TRIM17: variants seen among roughly 807,000 people sequenced by gnomAD.
The protein encoded by TRIM17 is E3 ubiquitin-protein ligase TRIM17.
In TRIM17, 27 loss-of-function variants were observed where a neutral mutation model predicts 35.8. The observed-to-expected ratio is 0.75, with a 90% CI of 0.56 to 1.04. The LOEUF (loss-of-function observed/expected upper bound fraction) is 1.04, where lower values mean the gene tolerates loss of function less well. TRIM17 is among the 50% of genes least tolerant of loss of function. The probability of loss-of-function intolerance (pLI) is 0.00; values close to 1 mark genes in which losing one functional copy is unlikely to be tolerated. For synonymous variants in TRIM17, 246 were observed against 252.6 expected, an observed-to-expected ratio of 0.97 and a Z score of 0.25; for missense variants, 582 against 612.8, an observed-to-expected ratio of 0.95 and a Z score of 0.53.
chr1:228,410,791 C>T lies in TRIM17; in HGVS notation c.756+155G>A, dbSNP rs1209728708. Among the ~76,000 whole-genome samples, 1 of 152,144 alleles carries T rather than the reference C, an allele frequency of 6.6e-6. No individual in the cohort carries two copies. Among genetic ancestry groups the T allele is most frequent in the Non-Finnish European group, 1.5e-5 (1 of 68,014 alleles). On this transcript the variant is annotated intron_variant, in intron 4 of 6. Transcript: ENST00000366698. The surrounding 1 kb of genome is among the most constrained non-coding windows in gnomAD (Gnocchi z 4.6). ...AGAGGCTCAGGAGGAACCAGGCCTG[C>T]CCGCACCTTGGCCTCAGCCACCCAG...
chr1:228,413,018 C>G (rs1489645020), intron 3 of TRIM17, among the ~76,000 whole-genome samples: 1 of 152,066 alleles, frequency 6.6e-6, no homozygotes, highest in African/African-American at 2.4e-5. Context: ...CAAGACCAGC[C>G]TGACCAACAT....
chr1:228,408,179 GC>G lies in TRIM17; in HGVS notation c.*21del, dbSNP rs747266754. The G allele has an allele frequency of 3.3e-5, 50 of 1,511,602 alleles. No individual in the cohort carries two copies. In the South Asian group the frequency reaches 6.3e-4, roughly 19 times the overall value. 93.6% of individuals were successfully genotyped at this position (1,511,602 alleles called of 1,614,324 possible). On this transcript the variant is annotated 3_prime_UTR_variant, in exon 7 of 7. Coordinates refer to ENST00000366698, the MANE Select transcript of TRIM17 (RefSeq NM_016102.4). The surrounding 1 kb of genome is among the most constrained non-coding windows in gnomAD (Gnocchi z 6.3). ...CACCTTCTGCAGAGCCAGGAGCAGT[GC>G]CCGAGTCCCCCGGTCTGTGTCTATC...
In TRIM17 at chr1:228,416,644, C is replaced by A; in HGVS notation, c.-147G>T. On this transcript the variant is annotated 5_prime_UTR_variant, in exon 1 of 7. Transcript: ENST00000366698. ...GAAGCCCAGGAGGCTGCGGCCCGGC[C>A]CGGGGCGTGGGGACCTGGGGTCGGG... The A allele has an allele frequency of 2.0e-6, 2 of 982,550 alleles. No homozygotes were observed. Among genetic ancestry groups the A allele is most frequent in the Middle Eastern group, 1.0e-3 (2 of 1,908 alleles). The allele number at this position is 982,550 out of a possible 1,614,324, so 60.9% of individuals were successfully genotyped here. A position where few individuals can be genotyped will look rare whatever the true frequency, so the allele number is the denominator to read the frequency against.
rs2149103897 is a variant in TRIM17, at chr1:228,410,225, C to A, written c.756+721G>T. Among the ~76,000 whole-genome samples, 2 of 152,030 alleles carry A rather than the reference C, an allele frequency of 1.3e-5. No individual in the cohort carries two copies. Among genetic ancestry groups the A allele is most frequent in the East Asian group, 1.9e-4 (1 of 5,146 alleles). ...GTCTTCCTGCCTCAGCCTCCTGAGT[C>A]CTGGGACCACAGGCGCACGCCACCA... is the stretch of plus-strand genomic sequence containing the variant. On this transcript the variant is annotated intron_variant, in intron 4 of 6. Coordinates refer to ENST00000366698, the MANE Select transcript of TRIM17 (RefSeq NM_016102.4). The surrounding 1 kb of genome is among the most constrained non-coding windows in gnomAD (Gnocchi z 4.6).
chr1:228,416,449 G>T (rs560366660), intron 1 of TRIM17, 90 bp downstream of exon 1: 70 of 986,848 alleles, frequency 7.1e-5, no homozygotes, highest in Non-Finnish European at 7.8e-5. Flanking sequence ...AAGGCCGGGC[G>T]TTGGAGGGCG....
intron 2 of TRIM17, among the ~76,000 whole-genome samples, 172 bp from the exon 3 acceptor site, chr1:228,414,064 G>T (rs938494602): frequency 1.3e-5 from 2 of 152,154 alleles, no homozygotes; most frequent in Admixed American, 1.3e-4. Flanking sequence ...TGAGCTGAAG[G>T]CACTTAAAAA....
Position 228,416,722 on chromosome 1 carries a change from G to GGGGGGGGC in TRIM17, c.-226_-225insGCCCCCCC. 1 of 568,108 alleles carries GGGGGGGGC rather than the reference G, an allele frequency of 1.8e-6. No homozygotes were observed. Among genetic ancestry groups the GGGGGGGGC allele is most frequent in the Non-Finnish European group, 2.2e-6 (1 of 453,594 alleles). 35.2% of individuals were successfully genotyped at this position (568,108 alleles called of 1,614,324 possible). On this transcript the variant is annotated 5_prime_UTR_variant, in exon 1 of 7. Coordinates refer to ENST00000366698, the MANE Select transcript of TRIM17 (RefSeq NM_016102.4). ...GGGGCTGGGGGGCGGCGGGGGAGGGGAATGCTGGGCGAGGGAGTGTTCGGC... is the reference window on the plus strand; with the variant it reads ...GGGGCTGGGGGGCGGCGGGGGAGGGGGGGGGGGCAATGCTGGGCGAGGGAGTGTTCGGC...
chr1:228,409,616 A>C, intron 4 of TRIM17: 1 of 521,446 alleles, frequency 1.9e-6, no homozygotes, highest in Non-Finnish European at 3.4e-6. Context: ...TGCCTCACCT[A>C]AGCTGAGCTA....
intron 1 of TRIM17, 43 bp from the exon 2 acceptor site, chr1:228,415,156 G>T: frequency 1.4e-6 from 2 of 1,470,144 alleles, no homozygotes; most frequent in Non-Finnish European, 1.8e-6. Flanking sequence ...CTGGGCGCCG[G>T]CAGTGTGCAA....
chr1:228,408,551 C>A lies in TRIM17; in HGVS notation c.1084G>T (p.Asp362Tyr), dbSNP rs1466970779. ...CACACACCCAGGGCCCACAACGCGT[C>A]CCCGGTGATGTTCATGCCCACCTCC... ...YWEVGMNITG[D>Y]ALWALGVCRD... The change falls in exon 7 of 7, where the codon GAC (aspartate) becomes TAC (tyrosine). Residue 362 changes from aspartate (D) to tyrosine (Y), a missense_variant. Physicochemically the swap from Asp to Tyr is radical, Grantham distance 160. Coordinates refer to ENST00000366698, the MANE Select transcript of TRIM17 (RefSeq NM_016102.4). The surrounding 1 kb of genome is among the most constrained non-coding windows in gnomAD (Gnocchi z 6.3). The A allele has an allele frequency of 1.2e-6, 2 of 1,614,114 alleles. No homozygotes were observed. Among genetic ancestry groups the A allele is most frequent in the Non-Finnish European group, 1.7e-6 (2 of 1,180,014 alleles).
At chr1:228,409,010 C>G in intron 6 of TRIM17, 162 bp downstream of exon 6, 2 of 1,573,470 alleles carry the variant, frequency 1.3e-6, no homozygotes, top group South Asian at 2.3e-5. Flanking sequence ...TTAGAACCAC[C>G]AGTAACGCCG....
chr1:228,415,178 A>T, intron 1 of TRIM17, 65 bp from the exon 2 acceptor site: 1 of 1,332,194 alleles, frequency 7.5e-7, no homozygotes, highest in Non-Finnish European at 1.0e-6. Context: ...CGTCCTGTAC[A>T]GCCTCCCTTT....
chr1:228,416,440 A>T, intron 1 of TRIM17, 99 bp downstream of exon 1: 1 of 986,786 alleles, frequency 1.0e-6, no homozygotes, highest in Non-Finnish European at 1.2e-6. Context: ...GGAGGCGGGA[A>T]GGCCGGGCGT....
chr1:228,408,448 C>G lies in TRIM17; in HGVS notation c.1187G>C (p.Gly396Ala). The G allele has an allele frequency of 6.2e-7, 1 of 1,614,196 alleles. No individual in the cohort carries two copies. Residue 396 changes from glycine (G) to alanine (A), a missense_variant, in exon 7 of 7, where the codon GGG becomes GCG. Physicochemically the swap from Gly to Ala is moderately conservative, Grantham distance 60. Coordinates refer to ENST00000366698, the MANE Select transcript of TRIM17 (RefSeq NM_016102.4). This position sits in a 1 kb window ranked among gnomAD's most constrained non-coding sequence, Gnocchi z 6.3. ...NGFWVVQLSK[G>A]TKYLSTFSAL... is the part of the protein sequence containing the mutation. The stretch of plus-strand genomic sequence containing the variant: ...AGAGAAGGTGGATAAGTACTTGGTC[C>G]CCTTGGACAGCTGCACCACCCAGAA...
Position 228,414,820 on chromosome 1 carries a change from C to T in TRIM17, c.253G>A (p.Glu85Lys), listed in dbSNP as rs145425540. The T allele has an allele frequency of 1.4e-5, 22 of 1,613,378 alleles. No individual in the cohort carries two copies. The highest frequency in any genetic ancestry group is 2.2e-5 in the East Asian group (1 of 44,884). ...LPNRLLTKVAEMAQQHPGLQK... is the reference protein window; with the variant it reads ...LPNRLLTKVAKMAQQHPGLQK... ...AGACCAGGATGCTGCTGCGCCATCTCGGCCACCTTGGTCAGCAGCCGGTTG... is the reference window on the plus strand; with the variant it reads ...AGACCAGGATGCTGCTGCGCCATCTTGGCCACCTTGGTCAGCAGCCGGTTG... Residue 85 changes from glutamate to lysine, a missense_variant, in exon 2 of 7, where the codon GAG becomes AAG. Coordinates refer to ENST00000366698, the MANE Select transcript of TRIM17 (RefSeq NM_016102.4).
chr1:228,415,220 G>A (rs1657035610), intron 1 of TRIM17, 107 bp from the exon 2 acceptor site: 1 of 851,202 alleles, frequency 1.2e-6, no homozygotes. Flanking sequence ...AGTCCAGTTA[G>A]AGAGTCCAGA....
intron 3 of TRIM17, among the ~76,000 whole-genome samples, chr1:228,413,181 A>C (rs1279253151): frequency 1.3e-5 from 2 of 149,382 alleles, no homozygotes; most frequent in Non-Finnish European, 3.0e-5. Context: ...ATTGGATTCC[A>C]GCCTGGGCAA....
intron 3 of TRIM17, among the ~76,000 whole-genome samples, chr1:228,412,785 TAAC>T (rs1435284989): frequency 6.6e-6 from 1 of 151,452 alleles, no homozygotes; most frequent in Admixed American, 6.6e-5. Flanking sequence ...AAACAAAAAA[TAAC>T]AACAAAGATC....
intron 3 of TRIM17, among the ~76,000 whole-genome samples, chr1:228,413,285 GA>G (rs1208927289): frequency 6.6e-6 from 1 of 150,730 alleles, no homozygotes; most frequent in Non-Finnish European, 1.5e-5. Context: ...ATCTATACCA[GA>G]AAGAGAGTTC....
Sources: allele counts gnomAD v4.1 joint callset (sites outside exome capture counted in the v4.1 genomes callset), GRCh38; gene constraint gnomAD v4.1.1; non-coding constraint Gnocchi (gnomAD v3.1); transcripts MANE v1.5; gene names NCBI Gene and HGNC (gene_info 2026-07-23, HGNC 2026-07-21).